Variants in MXRA7 observed in about 807,000 individuals in gnomAD.
MXRA7 encodes matrix remodeling associated 7, also known as matrix-remodeling-associated protein 7.
MXRA7 carries 18 observed loss-of-function variants against 17.4 expected under a neutral mutation model. That is an observed-to-expected ratio of 1.03 (90% CI 0.71 to 1.53). MXRA7 has a LOEUF of 1.53. Among genes scored for constraint, MXRA7 ranks in the 40% most tolerant of loss-of-function variants. The pLI, the probability that MXRA7 is intolerant of heterozygous loss-of-function variation, is 0.00. For synonymous variants in MXRA7, 70 were observed against 101.7 expected (o/e 0.69, Z 1.87); for missense variants, 141 against 209.3 (o/e 0.67, Z 2.01).
chr17:76,679,115 T>G (rs143400463), downstream of MXRA7, among the ~76,000 whole-genome samples: 4,392 of 151,976 alleles, frequency 0.029, 105 homozygotes, highest in Non-Finnish European at 0.047. Flanking sequence ...AGCAACATAG[T>G]CAGACTCTGT....
chr17:76,701,447 G>A (rs1223025970), intron 1 of MXRA7, among the ~76,000 whole-genome samples: 1 of 152,062 alleles, frequency 6.6e-6, no homozygotes, highest in East Asian at 1.9e-4. Flanking sequence ...TGAGGTGCAC[G>A]TAGACAACCC....
intron 1 of MXRA7, among the ~76,000 whole-genome samples, chr17:76,704,342 A>T (rs1447372572): frequency 1.4e-5 from 2 of 147,252 alleles, no homozygotes; most frequent in African/African-American, 2.5e-5. Context: ...AGTAGCTGGG[A>T]CTACAGGTGC....
At position 76,701,102 on chromosome 17, in the gene MXRA7, C is replaced by T. The variant is rs1210628022; in HGVS notation, c.342+9503G>A. ...GTGAGCAGGGGCCGGGGGGTGTGCT[C>T]TCTGCGCTAGGAAGGTCATGCTGGT... On this transcript the variant is annotated intron_variant, in intron 1 of 3. Coordinates refer to ENST00000449428, the MANE Select transcript of MXRA7 (RefSeq NM_198530.4). Among the ~76,000 whole-genome samples, 9 of 151,966 alleles carry T rather than the reference C, an allele frequency of 5.9e-5. No individual in the cohort carries two copies. In the East Asian group the frequency reaches 1.7e-3, roughly 29 times the overall value.
Position 76,681,197 on chromosome 17 carries a change from G to A in MXRA7, c.501-318C>T, listed in dbSNP as rs1490980579. Among the ~76,000 whole-genome samples, 2 of 152,222 alleles carry A rather than the reference G, an allele frequency of 1.3e-5. No individual in the cohort carries two copies. The highest frequency in any genetic ancestry group is 4.8e-5 in the African/African-American group (2 of 41,460). On this transcript the variant is annotated intron_variant, in intron 3 of 3. Transcript: ENST00000449428. This position sits in a 1 kb window ranked among gnomAD's most constrained non-coding sequence, Gnocchi z 4.7. Reference sequence around the variant, plus strand: ...CATTTGAGTTGCCAAGGGCCTTTCTGATCTTGGGTTGTGTGGTTGTGCTGA... The same window carrying A: ...CATTTGAGTTGCCAAGGGCCTTTCTAATCTTGGGTTGTGTGGTTGTGCTGA...
In MXRA7 at chr17:76,684,797, T is replaced by TG. The variant is rs1258340721; in HGVS notation, c.500+274dup. 4.0e-4 allele frequency: 89 copies of TG among 224,664 alleles called. 1 individual carries two copies. The highest frequency in any genetic ancestry group is 3.0e-3 in the Admixed American group (31 of 10,482). The allele number at this position is 224,664 out of a possible 1,614,324, so 13.9% of individuals were successfully genotyped here. The stretch of plus-strand genomic sequence containing the variant: ...TGGGGGCAGTGGGGTGTGGAGGGGG[T>TG]GGGGGGGTGCAGTAAATGGGCTCTG... On this transcript the variant is annotated intron_variant, in intron 3 of 3. Coordinates refer to ENST00000449428, the MANE Select transcript of MXRA7 (RefSeq NM_198530.4).
chr17:76,683,980 A>T (rs1598338378), intron 3 of MXRA7: 4 of 1,352,910 alleles, frequency 3.0e-6, no homozygotes, highest in Non-Finnish European at 4.2e-6. Flanking sequence ...CATCCTCAGC[A>T]CCTGAGGACT....
At chr17:76,710,561 A>G (rs2076708404) in intron 1 of MXRA7, 44 bp downstream of exon 1, 1 of 1,228,838 alleles carries the variant, frequency 8.1e-7, no homozygotes, top group Non-Finnish European at 1.0e-6. Context: ...CGGCAGCCGG[A>G]GCCCCGGGGG....
chr17:76,700,006 T>C (rs1306133715), intron 1 of MXRA7, among the ~76,000 whole-genome samples: 3 of 152,144 alleles, frequency 2.0e-5, no homozygotes, highest in Non-Finnish European at 4.4e-5. Flanking sequence ...GTCACCCAGG[T>C]TGGAGTGCAG....
At chr17:76,685,310 ACC>A in intron 2 of MXRA7, 145 bp from the exon 3 acceptor site, 1 of 639,976 alleles carries the variant, frequency 1.6e-6, no homozygotes, top group Admixed American at 2.8e-5. Flanking sequence ...CAGCGCCTAT[ACC>A]CCCTCTCGTT....
At chr17:76,697,169 G>A (rs939016630) in intron 1 of MXRA7, among the ~76,000 whole-genome samples, 4 of 152,144 alleles carry the variant, frequency 2.6e-5, no homozygotes, top group Non-Finnish European at 5.9e-5. Flanking sequence ...CCATTAGGGT[G>A]GGCCCTAACC....
At chr17:76,692,218 GAA>G (rs201375648) in intron 1 of MXRA7, among the ~76,000 whole-genome samples, 1 of 147,920 alleles carries the variant, frequency 6.8e-6, no homozygotes, top group Non-Finnish European at 1.5e-5. Flanking sequence ...GTCACCAAAA[GAA>G]AAAAAAAATT....
In MXRA7 at chr17:76,698,541, C is replaced by T. The variant is rs143289269; in HGVS notation, c.343-10365G>A. Among the ~76,000 whole-genome samples, 554 of 152,142 alleles carry T rather than the reference C, an allele frequency of 3.6e-3. 5 individuals are homozygous for T. The highest frequency in any genetic ancestry group is 0.013 in the African/African-American group (532 of 41,502). Reference sequence around the variant, plus strand: ...ACACGCAGGCTCCACTCTCTAAATCCGTATTTGCAACTGGATGAGGCATGT... The same window carrying T: ...ACACGCAGGCTCCACTCTCTAAATCTGTATTTGCAACTGGATGAGGCATGT... On this transcript the variant is annotated intron_variant, in intron 1 of 3. Coordinates refer to ENST00000449428, the MANE Select transcript of MXRA7 (RefSeq NM_198530.4).
At chr17:76,704,489 G>A (rs1408356490) in intron 1 of MXRA7, among the ~76,000 whole-genome samples, 3 of 148,738 alleles carry the variant, frequency 2.0e-5, no homozygotes, top group Non-Finnish European at 4.5e-5. Context: ...ACAGTCGTGA[G>A]CCACCGCGCC....
intron 1 of MXRA7, among the ~76,000 whole-genome samples, chr17:76,705,604 G>A (rs2076646415): frequency 1.3e-5 from 2 of 152,150 alleles, no homozygotes; most frequent in African/African-American, 2.4e-5. Context: ...TCTTTGGGAG[G>A]TGAGATTTAG....
intron 3 of MXRA7, among the ~76,000 whole-genome samples, chr17:76,683,203 C>T (rs982240328): frequency 2.6e-5 from 4 of 152,226 alleles, no homozygotes; most frequent in African/African-American, 7.2e-5. Context: ...CCTTTTTCTG[C>T]AAACAGCCAG....
At chr17:76,688,751 A>G (rs1056564821) in intron 1 of MXRA7, 2 of 1,086,574 alleles carry the variant, frequency 1.8e-6, no homozygotes, top group Non-Finnish European at 2.3e-6. Context: ...TGGTGGAAGG[A>G]AGAAGTGACT....
At chr17:76,685,527 C>T (rs1214545601) in intron 2 of MXRA7, among the ~76,000 whole-genome samples, 1 of 152,220 alleles carries the variant, frequency 6.6e-6, no homozygotes, top group Non-Finnish European at 1.5e-5. Flanking sequence ...TTGGGACACA[C>T]ACCACGCCTG....
intron 2 of MXRA7, 112 bp from the exon 3 acceptor site, chr17:76,685,277 T>G: frequency 2.7e-6 from 2 of 752,014 alleles, no homozygotes; most frequent in South Asian, 3.1e-5. Flanking sequence ...AGGCCACATC[T>G]GGCTATCAGA....
At chr17:76,677,888 C>T (rs1371469512), downstream of MXRA7, among the ~76,000 whole-genome samples, 11 of 152,154 alleles carry the variant, frequency 7.2e-5, no homozygotes, top group Admixed American at 1.3e-4. Context: ...GTCTGACACA[C>T]GCAACTTTTG....
Sources: gnomAD v4.1 joint callset for allele counts (sites outside exome capture counted in the v4.1 genomes callset) on GRCh38, gnomAD v4.1.1 for gene constraint, Gnocchi (gnomAD v3.1) non-coding constraint, MANE v1.5 for transcripts, NCBI Gene and HGNC (gene_info 2026-07-23, HGNC 2026-07-21) for gene names.